NMRK1: variants seen among roughly 807,000 people sequenced by gnomAD.
The protein encoded by NMRK1 is nicotinamide riboside kinase 1.
In NMRK1, 28 loss-of-function variants were observed where a neutral mutation model predicts 29.9. That is an observed-to-expected ratio of 0.94 (90% confidence interval 0.69 to 1.28). NMRK1 has a LOEUF of 1.28. Ranked by LOEUF, NMRK1 falls within the 50% of genes most tolerant of loss-of-function variation. The pLI, the probability that NMRK1 is intolerant of heterozygous loss-of-function variation, is 0.00. For missense variants in NMRK1, 218 were observed against 233.1 expected (o/e 0.94, Z 0.42); for synonymous variants, 58 against 73.0 (o/e 0.79, Z 1.05).
Position 75,069,463 on chromosome 9 carries a change from T to C in NMRK1, c.389+279A>G, listed in dbSNP as rs554416203. The C allele has an allele frequency of 5.8e-4, 279 of 481,468 alleles. 1 individual carries two copies. Among genetic ancestry groups the C allele is most frequent in the Non-Finnish European group, 8.7e-4 (238 of 273,876 alleles). The allele number at this position is 481,468 out of a possible 1,614,324, so 29.8% of individuals were successfully genotyped here. ...GTAGCTGTGGCAGAACAGGCTCACT[T>C]ACATTAAAATCCTAATCACCATGGG... On this transcript the variant is annotated intron_variant, in intron 6 of 8. Transcript: ENST00000361092.
At chr9:75,086,332 C>T (rs1268560313) in intron 1 of NMRK1, among the ~76,000 whole-genome samples, 1 of 152,188 alleles carries the variant, frequency 6.6e-6, no homozygotes, top group Non-Finnish European at 1.5e-5. Flanking sequence ...AAAGAGTCAT[C>T]ATTTCAGGGC....
At chr9:75,079,958 G>T (rs1174983721) in intron 2 of NMRK1, among the ~76,000 whole-genome samples, 1 of 152,106 alleles carries the variant, frequency 6.6e-6, no homozygotes, top group African/African-American at 2.4e-5. Flanking sequence ...TGACTACTTG[G>T]TGCCACTCCC....
At chr9:75,070,982 A>AT (rs1003951760) in intron 4 of NMRK1, among the ~76,000 whole-genome samples, 12 of 143,154 alleles carry the variant, frequency 8.4e-5, no homozygotes, top group East Asian at 2.1e-4. Context: ...TTCCTTCTCT[A>AT]TTTTTTTTTT....
chr9:75,071,247 T>C (rs1823683344), intron 4 of NMRK1, among the ~76,000 whole-genome samples: 1 of 152,244 alleles, frequency 6.6e-6, no homozygotes. Flanking sequence ...TCACTAATTA[T>C]TTTCTCTGTC....
At chr9:75,070,803 G>A (rs1409777569) in intron 4 of NMRK1, among the ~76,000 whole-genome samples, 1 of 152,030 alleles carries the variant, frequency 6.6e-6, no homozygotes, top group African/African-American at 2.4e-5. Flanking sequence ...TTTTTTCTTT[G>A]TTCTGGTGTT....
chr9:75,067,651 T>C (rs1476886831), intron 7 of NMRK1, among the ~76,000 whole-genome samples: 1 of 152,144 alleles, frequency 6.6e-6, no homozygotes, highest in Admixed American at 6.5e-5. Flanking sequence ...TGACTCAAGG[T>C]ATTCAGCAGA....
At chr9:75,066,910 C>A in intron 7 of NMRK1, 70 bp from the exon 8 acceptor site, 1 of 829,222 alleles carries the variant, frequency 1.2e-6, no homozygotes, top group Non-Finnish European at 2.0e-6. Flanking sequence ...ACTTTGACAC[C>A]CAACATCTCT....
chr9:75,085,682 T>TA (rs1313702039), intron 1 of NMRK1, among the ~76,000 whole-genome samples: 3 of 143,144 alleles, frequency 2.1e-5, no homozygotes, highest in Non-Finnish European at 4.5e-5. Context: ...TAAGATGGCA[T>TA]AAAAAACCTA....
chr9:75,063,023 C>A (rs1823116542), intron 8 of NMRK1, among the ~76,000 whole-genome samples: 1 of 148,698 alleles, frequency 6.7e-6, no homozygotes, highest in Admixed American at 6.7e-5. Flanking sequence ...AGAACAACTC[C>A]ATATTGGCTG....
At chr9:75,073,571 T>C (rs1381175835) in intron 4 of NMRK1, among the ~76,000 whole-genome samples, 1 of 151,538 alleles carries the variant, frequency 6.6e-6, no homozygotes, top group Non-Finnish European at 1.5e-5. Flanking sequence ...AAACCCCAAA[T>C]CTACTTTAAA....
intron 1 of NMRK1, among the ~76,000 whole-genome samples, chr9:75,084,210 TCTTC>T (rs1824484938): frequency 6.6e-6 from 1 of 152,220 alleles, no homozygotes; most frequent in African/African-American, 2.4e-5. Context: ...AGGCCACTCT[TCTTC>T]CTTCCTATCT....
chr9:75,086,758 T>A (rs1299993444), intron 1 of NMRK1, among the ~76,000 whole-genome samples: 2 of 152,176 alleles, frequency 1.3e-5, no homozygotes, highest in Non-Finnish European at 2.9e-5. Flanking sequence ...CAGTCTGATA[T>A]TTTAAAAAGA....
chr9:75,081,271 T>A (rs1197743139), intron 2 of NMRK1, among the ~76,000 whole-genome samples: 1 of 152,166 alleles, frequency 6.6e-6, no homozygotes, highest in Non-Finnish European at 1.5e-5. Context: ...CGGCATGGGC[T>A]TCACAGGTGC....
intron 4 of NMRK1, among the ~76,000 whole-genome samples, chr9:75,071,790 T>G (rs1477683749): frequency 6.6e-6 from 1 of 152,156 alleles, no homozygotes; most frequent in Non-Finnish European, 1.5e-5. Flanking sequence ...TAGTTGTGGG[T>G]AGAAGTTCAG....
intron 2 of NMRK1, among the ~76,000 whole-genome samples, chr9:75,078,102 C>T (rs1824108547): frequency 6.6e-6 from 1 of 152,066 alleles, no homozygotes; most frequent in South Asian, 2.1e-4. Context: ...AGGTAACTAC[C>T]AAGTAAGGGA....
In NMRK1 at chr9:75,077,619, G is replaced by A. The variant is rs1394586372; in HGVS notation, c.30-39C>T. On this transcript the variant is annotated intron_variant, in intron 2 of 8. Transcript: ENST00000361092. ...AAAAGAAAGTACCAAGAAGGAAAAT[G>A]CATTAAAAATCATTAAACACTTTTT... 4 of 1,417,038 alleles carry A rather than the reference G, an allele frequency of 2.8e-6. No individual in the cohort carries two copies. The Admixed American group carries it at 5.3e-5, about 19-fold the overall frequency. The allele number at this position is 1,417,038 out of a possible 1,614,324, so 87.8% of individuals were successfully genotyped here. A position where few individuals can be genotyped will look rare whatever the true frequency, so the allele number is the denominator to read the frequency against.
rs1347138631 is a variant in NMRK1 at position 75,066,757 on chromosome 9, A to C, written c.580T>G (p.Cys194Gly). Reference sequence around the variant, plus strand: ...TCCACTTTGTTAGCACAATACTTACACTTTTGCTTTGCTAGTTCTTGTATT... The same window carrying C: ...TCCACTTTGTTAGCACAATACTTACCCTTTTGCTTTGCTAGTTCTTGTATT... ...DLIQELAKQK[C>G]LQVTA Residue 194 changes from cysteine to glycine, a missense_variant and splice_region_variant, in exon 8 of 9, where the codon TGT (cysteine) becomes GGT (glycine). Coordinates refer to ENST00000361092, the MANE Select transcript of NMRK1 (RefSeq NM_017881.3). 2.6e-6 allele frequency: 4 copies of C among 1,552,964 alleles called. No individual in the cohort carries two copies. In the South Asian group the frequency reaches 3.3e-5, roughly 13 times the overall value.
intron 7 of NMRK1, among the ~76,000 whole-genome samples, chr9:75,067,767 T>G (rs913507674): frequency 2.0e-5 from 3 of 152,202 alleles, no homozygotes; most frequent in African/African-American, 7.2e-5. Flanking sequence ...AGCCAGAATC[T>G]CAGCATTGGC....
chr9:75,067,481 A>C lies in NMRK1; in HGVS notation c.497-641T>G, dbSNP rs530627951. On this transcript the variant is annotated intron_variant, in intron 7 of 8. Transcript: ENST00000361092. ...TGGTCAGAAAACAGCATGAGTAGGGAGAGGCAAGAGCACTGATGCACCCTT... is the reference window on the plus strand; with the variant it reads ...TGGTCAGAAAACAGCATGAGTAGGGCGAGGCAAGAGCACTGATGCACCCTT... Among the ~76,000 whole-genome samples the C allele has an allele frequency of 4.7e-4, 72 of 152,322 alleles. 3 individuals are homozygous for C. In the South Asian group the frequency reaches 0.015, roughly 31 times the overall value.
Sources: gnomAD v4.1 joint callset for allele counts (sites outside exome capture counted in the v4.1 genomes callset) on GRCh38, gnomAD v4.1.1 for gene constraint, MANE v1.5 for transcripts, NCBI Gene and HGNC (gene_info 2026-07-23, HGNC 2026-07-21) for gene names.